CNTNAP2: variants seen among roughly 807,000 people sequenced by gnomAD.
The protein encoded by CNTNAP2 is contactin associated protein 2.
Under a neutral mutation model 155.2 loss-of-function variants are expected in CNTNAP2, and 98 were observed. The ratio of observed to expected loss-of-function variants is 0.63; its 90% CI spans 0.54 to 0.75. The LOEUF (loss-of-function observed/expected upper bound fraction) is 0.75, where lower values mean the gene tolerates loss of function less well. Ranked by LOEUF, CNTNAP2 falls within the 30% of genes least tolerant of loss-of-function variation. CNTNAP2 has a pLI of 0.00. For missense variants in CNTNAP2, 1,727 were observed against 1,688.1 expected (o/e 1.02, Z -0.40); for synonymous variants, 651 against 631.2 (o/e 1.03, Z -0.47).
chr7:148,266,010 T>C (rs1164388868), intron 20 of CNTNAP2, among the ~76,000 whole-genome samples: 1 of 152,166 alleles, frequency 6.6e-6, no homozygotes, highest in African/African-American at 2.4e-5. Flanking sequence ...AGGCCCAGTT[T>C]GAGCAAGGAC....
At chr7:148,314,270 G>T (rs1457073776) in intron 21 of CNTNAP2, among the ~76,000 whole-genome samples, 2 of 152,154 alleles carry the variant, frequency 1.3e-5, no homozygotes, top group African/African-American at 2.4e-5. Flanking sequence ...GGGAGGGACC[G>T]ATGTGTAAAA....
At chr7:146,915,427 A>C (rs909244392) in intron 3 of CNTNAP2, among the ~76,000 whole-genome samples, 1 of 152,112 alleles carries the variant, frequency 6.6e-6, no homozygotes, top group Non-Finnish European at 1.5e-5. Context: ...CACAATATTG[A>C]TTCTACCCAT....
intron 10 of CNTNAP2, among the ~76,000 whole-genome samples, chr7:147,399,013 A>G (rs1413141909): frequency 2.6e-5 from 4 of 151,988 alleles, no homozygotes; most frequent in Non-Finnish European, 4.4e-5. Context: ...TTGAAAAGAT[A>G]ATATTACTGC....
At chr7:148,262,649 G>A (rs565651481) in intron 20 of CNTNAP2, among the ~76,000 whole-genome samples, 2 of 152,122 alleles carry the variant, frequency 1.3e-5, no homozygotes, top group South Asian at 2.1e-4. Flanking sequence ...AAAGACCCTG[G>A]TGGGGACCTG....
chr7:148,370,430 C>G (rs1427415539), intron 21 of CNTNAP2, among the ~76,000 whole-genome samples: 8 of 152,306 alleles, frequency 5.3e-5, no homozygotes, highest in Non-Finnish European at 1.0e-4. Context: ...GCAGAGTGAC[C>G]TCAGTCAGGT....
chr7:147,188,936 T>A (rs988715557), intron 8 of CNTNAP2, among the ~76,000 whole-genome samples: 1 of 152,186 alleles, frequency 6.6e-6, no homozygotes, highest in Non-Finnish European at 1.5e-5. Flanking sequence ...AGAAGCATTG[T>A]GTTGTTTTGC....
At chr7:147,024,277 G>T (rs1798862533) in intron 3 of CNTNAP2, among the ~76,000 whole-genome samples, 1 of 152,142 alleles carries the variant, frequency 6.6e-6, no homozygotes, top group African/African-American at 2.4e-5. Context: ...TATCGCAATT[G>T]CAATGGTGGT....
chr7:146,160,820 G>GA lies in CNTNAP2; in HGVS notation c.97+43852dup, dbSNP rs1203389813. On this transcript the variant is annotated intron_variant, in intron 1 of 23. Transcript: ENST00000361727. ...CCTTCTGAAACTATTCCAATCAACA[G>GA]AAAAAGAGGGAATCCTCCCTAATTC... is the stretch of plus-strand genomic sequence containing the variant. Among the ~76,000 whole-genome samples the GA allele has an allele frequency of 7.2e-5, 11 of 152,232 alleles. No individual in the cohort carries two copies. The East Asian group carries it at 2.1e-3, about 29-fold the overall frequency.
At chr7:146,916,290 A>C (rs926685716) in intron 3 of CNTNAP2, among the ~76,000 whole-genome samples, 1 of 151,968 alleles carries the variant, frequency 6.6e-6, no homozygotes, top group African/African-American at 2.4e-5. Context: ...CCATTTTGTT[A>C]TGTCCTTTCT....
At chr7:146,510,470 T>C (rs1797449351) in intron 1 of CNTNAP2, among the ~76,000 whole-genome samples, 1 of 152,178 alleles carries the variant, frequency 6.6e-6, no homozygotes, top group South Asian at 2.1e-4. Context: ...CTATTCAGTA[T>C]TGTTTGTGGT....
intron 15 of CNTNAP2, among the ~76,000 whole-genome samples, chr7:148,071,136 T>A (rs1348279405): frequency 1.3e-5 from 2 of 152,110 alleles, no homozygotes; most frequent in Non-Finnish European, 2.9e-5. Flanking sequence ...CCCAAACATA[T>A]CCCAGTTTTA....
chr7:146,198,390 G>A (rs1798808150), intron 1 of CNTNAP2, among the ~76,000 whole-genome samples: 3 of 152,216 alleles, frequency 2.0e-5, no homozygotes, highest in Non-Finnish European at 4.4e-5. Flanking sequence ...ACTCAAAAGT[G>A]AATGACTTAT....
chr7:146,693,513 G>C (rs1045939677), intron 1 of CNTNAP2, among the ~76,000 whole-genome samples: 7 of 151,926 alleles, frequency 4.6e-5, no homozygotes, highest in African/African-American at 1.7e-4. Flanking sequence ...AAATAAGCTA[G>C]GCTCCAGGAT....
At chr7:148,361,947 C>T (rs756102455) in intron 21 of CNTNAP2, among the ~76,000 whole-genome samples, 13 of 152,150 alleles carry the variant, frequency 8.5e-5, no homozygotes, top group Admixed American at 4.6e-4. Flanking sequence ...AATCCCAGCA[C>T]GCCTGTAATC....
intron 13 of CNTNAP2, among the ~76,000 whole-genome samples, chr7:147,674,470 C>A (rs778165739): frequency 1.1e-4 from 17 of 152,056 alleles, no homozygotes; most frequent in Non-Finnish European, 2.2e-4. Context: ...ATTATTAGAG[C>A]TTTTCCTTAT....
At chr7:147,203,687 T>C (rs1009921481) in intron 8 of CNTNAP2, among the ~76,000 whole-genome samples, 1 of 152,170 alleles carries the variant, frequency 6.6e-6, no homozygotes, top group Non-Finnish European at 1.5e-5. Flanking sequence ...TGCATTAATA[T>C]TACCATGGGT....
At chr7:148,038,270 G>A (rs1050785751) in intron 15 of CNTNAP2, among the ~76,000 whole-genome samples, 3 of 152,272 alleles carry the variant, frequency 2.0e-5, no homozygotes, top group African/African-American at 7.2e-5. Context: ...TTCAACCCCA[G>A]ATGCTAATCA....
At chr7:146,446,987 A>C (rs1483858390) in intron 1 of CNTNAP2, among the ~76,000 whole-genome samples, 1 of 152,030 alleles carries the variant, frequency 6.6e-6, no homozygotes, top group Non-Finnish European at 1.5e-5. Flanking sequence ...AATACCTAGC[A>C]ATATTTTTAT....
chr7:148,175,054 A>G (rs1272683699), intron 18 of CNTNAP2, among the ~76,000 whole-genome samples: 1 of 152,176 alleles, frequency 6.6e-6, no homozygotes, highest in Non-Finnish European at 1.5e-5. Flanking sequence ...GATGGCCTGT[A>G]GCTTCATCCA....
Sources: gnomAD v4.1 joint callset for allele counts (sites outside exome capture counted in the v4.1 genomes callset) on GRCh38, gnomAD v4.1.1 for gene constraint, MANE v1.5 for transcripts, NCBI Gene and HGNC (gene_info 2026-07-23, HGNC 2026-07-21) for gene names.